GPC6: variants seen among roughly 807,000 people sequenced by gnomAD.
GPC6 encodes the protein glypican 6.
In GPC6, 14 loss-of-function variants were observed where a neutral mutation model predicts 55.2. That is an observed-to-expected ratio of 0.25 (90% confidence interval 0.17 to 0.40). The LOEUF is 0.40. Among genes scored for constraint, GPC6 ranks in the 10% least tolerant of loss-of-function variants. The pLI, the probability that GPC6 is intolerant of heterozygous loss-of-function variation, is 1.00. For missense variants in GPC6, 641 were observed against 708.5 expected, an observed-to-expected ratio of 0.90 and a Z score of 1.08; for synonymous variants, 278 against 259.6, an observed-to-expected ratio of 1.07 and a Z score of -0.68.
chr13:94,243,060 A>G (rs1416078450), intron 4 of GPC6, among the ~76,000 whole-genome samples: 1 of 152,146 alleles, frequency 6.6e-6, no homozygotes, highest in Non-Finnish European at 1.5e-5. Flanking sequence ...TACAGCTGAC[A>G]GTGCCATGGC....
In GPC6 at chr13:93,889,656, T is replaced by G. The variant is rs191755683; in HGVS notation, c.711+59111T>G. The stretch of plus-strand genomic sequence containing the variant: ...TGTCAAAGAGAATAAGACTTTCATT[T>G]TCCATTGAGCACCTGTTTTCATCTT... On this transcript the variant is annotated intron_variant, in intron 3 of 8. Transcript: ENST00000377047. 7.2e-5 allele frequency among the ~76,000 whole-genome samples: 11 copies of G among 152,276 alleles called. No homozygotes were observed. In the East Asian group the frequency reaches 1.9e-3, roughly 27 times the overall value.
chr13:94,287,659 G>A (rs920202179), intron 5 of GPC6, among the ~76,000 whole-genome samples: 1 of 152,126 alleles, frequency 6.6e-6, no homozygotes, highest in African/African-American at 2.4e-5. Context: ...AAAGGAGGAT[G>A]CTCCAAATTA....
At chr13:93,550,799 T>C (rs2139441525) in intron 2 of GPC6, among the ~76,000 whole-genome samples, 1 of 152,276 alleles carries the variant, frequency 6.6e-6, no homozygotes, top group East Asian at 1.9e-4. Context: ...TTTTTGTATG[T>C]GTGTGTGATT....
chr13:93,788,211 G>C (rs1885875134), intron 2 of GPC6, among the ~76,000 whole-genome samples: 1 of 152,128 alleles, frequency 6.6e-6, no homozygotes, highest in Admixed American at 6.6e-5. Context: ...GCTGCTCTCT[G>C]CTTCCAATAT....
At chr13:93,560,760 C>T (rs923607064) in intron 2 of GPC6, among the ~76,000 whole-genome samples, 6 of 122,968 alleles carry the variant, frequency 4.9e-5, no homozygotes, top group Admixed American at 9.6e-5. Flanking sequence ...AGCGAGACTC[C>T]GCCTCCAAAA....
At chr13:94,089,376 G>T (rs754128959) in intron 4 of GPC6, among the ~76,000 whole-genome samples, 20 of 152,078 alleles carry the variant, frequency 1.3e-4, no homozygotes, top group Admixed American at 1.2e-3. Flanking sequence ...ATCATGCAAG[G>T]CTGCTCATAA....
intron 5 of GPC6, among the ~76,000 whole-genome samples, chr13:94,289,437 A>T (rs1040567760): frequency 2.0e-5 from 3 of 152,118 alleles, no homozygotes; most frequent in African/African-American, 7.2e-5. Flanking sequence ...CAGGGAGATG[A>T]CTGGGAGGCC....
chr13:93,881,686 T>C (rs1247298569), intron 3 of GPC6, among the ~76,000 whole-genome samples: 2 of 152,072 alleles, frequency 1.3e-5, no homozygotes, highest in Non-Finnish European at 2.9e-5. Flanking sequence ...ATTATCTCTG[T>C]ATCCATCCGT....
At chr13:94,332,647 G>T (rs1877484222) in intron 6 of GPC6, among the ~76,000 whole-genome samples, 1 of 152,202 alleles carries the variant, frequency 6.6e-6, no homozygotes, top group Non-Finnish European at 1.5e-5. Flanking sequence ...AAAATCTTAT[G>T]ATAGTTTCAT....
At chr13:94,368,042 G>T (rs1036512053) in intron 6 of GPC6, among the ~76,000 whole-genome samples, 3 of 151,526 alleles carry the variant, frequency 2.0e-5, no homozygotes, top group African/African-American at 7.3e-5. Flanking sequence ...CCAGCTACTC[G>T]GGAAGCTGAA....
intron 2 of GPC6, among the ~76,000 whole-genome samples, chr13:93,695,281 A>C (rs562328674): frequency 6.6e-6 from 1 of 152,222 alleles, no homozygotes; most frequent in South Asian, 2.1e-4. Context: ...TTACTTTTTA[A>C]AATTGTGTTT....
In GPC6 at chr13:94,403,200, CAG is replaced by C; in HGVS notation, c.1655_1656del (p.Arg552ThrfsTer16). On this transcript the variant is annotated frameshift_variant, in exon 9 of 9. Transcript: ENST00000377047. LOFTEE classifies it high-confidence loss of function. ...TCTCACCTGCATTGTCCTGGCACTG[CAG>C]AGACTGTGCAGATAATCTTGGGTTT... ...WSLTCIVLALQRLCR is the reference protein window; with the variant it reads ...WSLTCIVLALXRLCR 6.2e-7 allele frequency: 1 copy of C among 1,612,822 alleles called. No individual in the cohort carries two copies. The highest frequency in any genetic ancestry group is 8.5e-7 in the Non-Finnish European group (1 of 1,178,810).
intron 1 of GPC6, among the ~76,000 whole-genome samples, chr13:93,424,620 A>ATCATCATCT (rs1566349591): frequency 6.6e-6 from 1 of 151,992 alleles, no homozygotes; most frequent in African/African-American, 2.4e-5. Flanking sequence ...CATCATCATC[A>ATCATCATCT]TCATCATCTT....
chr13:93,544,998 A>T (rs1403077549), intron 1 of GPC6, among the ~76,000 whole-genome samples: 4 of 152,178 alleles, frequency 2.6e-5, no homozygotes, highest in African/African-American at 7.2e-5. Flanking sequence ...AGCCAGGAAA[A>T]AATGCCACAG....
intron 1 of GPC6, among the ~76,000 whole-genome samples, chr13:93,347,845 C>A (rs1199307461): frequency 6.6e-6 from 1 of 152,170 alleles, no homozygotes; most frequent in Non-Finnish European, 1.5e-5. Context: ...GACAGCAGGG[C>A]AGGCTTTCCA....
chr13:93,762,507 A>G lies in GPC6; in HGVS notation c.320-67647A>G, dbSNP rs114640870. Among the ~76,000 whole-genome samples the G allele has an allele frequency of 2.4e-3, 358 of 152,284 alleles. 1 individual carries two copies. The highest frequency in any genetic ancestry group is 8.2e-3 in the African/African-American group (341 of 41,572). ...GGTTGTCTGCCCAGAATGGAGCTGT[A>G]AGCATGGATACAGAAGATCCTGGAA... On this transcript the variant is annotated intron_variant, in intron 2 of 8. Transcript: ENST00000377047.
At chr13:93,597,501 A>G (rs1041293671) in intron 2 of GPC6, among the ~76,000 whole-genome samples, 2 of 152,150 alleles carry the variant, frequency 1.3e-5, no homozygotes, top group African/African-American at 4.8e-5. Context: ...GAAGTCAAAC[A>G]TTTATGAATT....
intron 3 of GPC6, among the ~76,000 whole-genome samples, chr13:93,943,004 A>G (rs191814488): frequency 2.0e-3 from 308 of 152,170 alleles, no homozygotes; most frequent in Non-Finnish European, 1.3e-3. Context: ...TATGGCCTCT[A>G]TGAGATGGAT....
intron 1 of GPC6, among the ~76,000 whole-genome samples, chr13:93,283,973 G>A (rs918071149): frequency 1.8e-4 from 27 of 152,150 alleles, no homozygotes; most frequent in African/African-American, 6.3e-4. Context: ...GATAATCTAA[G>A]ATGTGGACAA....
Sources: gnomAD v4.1 joint callset for allele counts (sites outside exome capture counted in the v4.1 genomes callset) on GRCh38, gnomAD v4.1.1 for gene constraint, MANE v1.5 for transcripts, NCBI Gene and HGNC (gene_info 2026-07-23, HGNC 2026-07-21) for gene names.